Variants in CCDC34 observed in about 807,000 individuals in gnomAD.
CCDC34 encodes coiled-coil domain-containing protein 34.
In CCDC34, 40 loss-of-function variants were observed where a neutral mutation model predicts 44.1. The ratio of observed to expected loss-of-function variants is 0.91; its 90% CI spans 0.70 to 1.18. The LOEUF (loss-of-function observed/expected upper bound fraction) is 1.18. Among genes scored for constraint, CCDC34 ranks in the 50% most tolerant of loss-of-function variants. The probability of loss-of-function intolerance (pLI) is 0.00; values close to 1 mark genes in which losing one functional copy is unlikely to be tolerated. For synonymous variants in CCDC34, 159 were observed against 158.2 expected (o/e 1.01, Z -0.04); for missense variants, 466 against 452.3 (o/e 1.03, Z -0.28).
chr11:27,346,614 T>C (rs1465222650), intron 3 of CCDC34, among the ~76,000 whole-genome samples: 1 of 152,096 alleles, frequency 6.6e-6, no homozygotes, highest in East Asian at 1.9e-4. Context: ...TAATAAGCCA[T>C]ACAACCCCTT....
At position 27,363,171 on chromosome 11, in the gene CCDC34, C is replaced by G. The variant is rs144221459; in HGVS notation, c.24G>C (p.Gly8=). Residue 8 remains glycine, a synonymous_variant, in exon 1 of 6, where the codon GGG becomes GGC. Transcript: ENST00000328697. MWAAGRW[G]PTFPSSYAGF... is the part of the protein sequence containing the mutation. Reference sequence around the variant, plus strand: ...CGGCGTAGGAAGAGGGAAAAGTAGGCCCCCAGCGCCCCGCCGCCCACATCT... The same window carrying G: ...CGGCGTAGGAAGAGGGAAAAGTAGGGCCCCAGCGCCCCGCCGCCCACATCT... 76 of 1,489,970 alleles carry G rather than the reference C, an allele frequency of 5.1e-5. No individual in the cohort carries two copies. In the African/African-American group the frequency reaches 7.6e-4, roughly 15 times the overall value. The allele number at this position is 1,489,970 out of a possible 1,614,324, so 92.3% of individuals were successfully genotyped here.
chr11:27,347,210 C>T (rs1269149794), intron 3 of CCDC34, among the ~76,000 whole-genome samples: 1 of 152,122 alleles, frequency 6.6e-6, no homozygotes, highest in African/African-American at 2.4e-5. Context: ...ATTGGCCATA[C>T]CAAATCTGCC....
At position 27,338,563 on chromosome 11, in the gene CCDC34, G is replaced by A. The variant is rs150871902; in HGVS notation, c.*258C>T. The stretch of plus-strand genomic sequence containing the variant: ...GTATTACAGTGTACTTTTAATACAA[G>A]CTAAATACAAACACAATTCTTACAT... On this transcript the variant is annotated 3_prime_UTR_variant, in exon 6 of 6. Coordinates refer to ENST00000328697, the MANE Select transcript of CCDC34 (RefSeq NM_030771.2). The A allele has an allele frequency of 9.6e-6, 4 of 416,002 alleles. No homozygotes were observed. Among genetic ancestry groups the A allele is most frequent in the African/African-American group, 2.1e-5 (1 of 47,732 alleles). The allele number at this position is 416,002 out of a possible 1,614,324, so 25.8% of individuals were successfully genotyped here.
At position 27,349,984 on chromosome 11, in the gene CCDC34, G is replaced by C. The variant is rs182246629; in HGVS notation, c.606+348C>G. 7.6e-4 allele frequency: 870 copies of C among 1,143,842 alleles called. 2 individuals are homozygous for C. The African/African-American group carries it at 0.012, about 16-fold the overall frequency. The allele number at this position is 1,143,842 out of a possible 1,614,324, so 70.9% of individuals were successfully genotyped here. A position where few individuals can be genotyped will look rare whatever the true frequency, so the allele number is the denominator to read the frequency against. ...GACAGCTGAATGAAACAGAGAAATGGGAGGATGGATTTACGAAGGAGAAAT... is the reference window on the plus strand; with the variant it reads ...GACAGCTGAATGAAACAGAGAAATGCGAGGATGGATTTACGAAGGAGAAAT... On this transcript the variant is annotated intron_variant, in intron 3 of 5. Transcript: ENST00000328697.
At chr11:27,350,261 A>G (rs773728260) in intron 3 of CCDC34, 71 bp downstream of exon 3, 1 of 1,607,244 alleles carries the variant, frequency 6.2e-7, no homozygotes, top group South Asian at 1.1e-5. Flanking sequence ...AAACCTAGGT[A>G]ATGAAGTATA....
chr11:27,344,008 A>G (rs951784737), intron 3 of CCDC34, among the ~76,000 whole-genome samples: 4 of 152,214 alleles, frequency 2.6e-5, no homozygotes, highest in African/African-American at 9.6e-5. Context: ...GAGAAAAAGT[A>G]GTGTCTGAAT....
At position 27,352,201 on chromosome 11, in the gene CCDC34, C is replaced by T. The variant is rs544958463; in HGVS notation, c.499-1762G>A. Among the ~76,000 whole-genome samples the T allele has an allele frequency of 1.3e-4, 20 of 151,968 alleles. 1 individual carries two copies. The South Asian group carries it at 2.5e-3, about 19-fold the overall frequency. ...GGTTCGAGACCAGCCTGGGCAAAAT[C>T]GTAAAACCCTGTCTTTACTAAAAAT... On this transcript the variant is annotated intron_variant, in intron 2 of 5. Coordinates refer to ENST00000328697, the MANE Select transcript of CCDC34 (RefSeq NM_030771.2).
intron 5 of CCDC34, among the ~76,000 whole-genome samples, chr11:27,339,542 G>T (rs1421332425): frequency 3.3e-5 from 5 of 152,166 alleles, no homozygotes; most frequent in Admixed American, 1.3e-4. Flanking sequence ...CTGTAATTGT[G>T]ATTATGAGTT....
Position 27,338,686 on chromosome 11 carries a change from T to C in CCDC34, c.*135A>G, listed in dbSNP as rs1463376812. On this transcript the variant is annotated 3_prime_UTR_variant, in exon 6 of 6. Transcript: ENST00000328697. ...AAATATCTTCCTCAACTCTAAGGAC[T>C]CCATATACAAATGCAAAAATTGCTA... 1.4e-6 allele frequency: 1 copy of C among 718,694 alleles called. No homozygotes were observed. Among genetic ancestry groups the C allele is most frequent in the Non-Finnish European group, 2.3e-6 (1 of 433,794 alleles). 44.5% of individuals were successfully genotyped at this position (718,694 alleles called of 1,614,324 possible).
At chr11:27,349,644 C>A in intron 3 of CCDC34, 1 of 983,818 alleles carries the variant, frequency 1.0e-6, no homozygotes, top group Non-Finnish European at 1.2e-6. Context: ...TTTAAAATTT[C>A]GAATGTGTGT....
At chr11:27,349,197 A>T in intron 3 of CCDC34, 5 of 966,674 alleles carry the variant, frequency 5.2e-6, no homozygotes, top group Non-Finnish European at 2.5e-6. Context: ...TATAGTTACA[A>T]ATTTCAAAAA....
chr11:27,345,596 C>T (rs949188551), intron 3 of CCDC34, among the ~76,000 whole-genome samples: 6 of 152,098 alleles, frequency 3.9e-5, no homozygotes, highest in Non-Finnish European at 8.8e-5. Flanking sequence ...TCATCCATGT[C>T]CCTACAAAGG....
chr11:27,350,297 G>A (rs200130322), intron 3 of CCDC34, 35 bp downstream of exon 3: 2 of 1,613,468 alleles, frequency 1.2e-6, no homozygotes, highest in South Asian at 2.2e-5. Context: ...TTGCAAAAGA[G>A]ATGTCAATGT....
Position 27,349,870 on chromosome 11 carries a change from T to A in CCDC34, c.606+462A>T, listed in dbSNP as rs185475036. ...AGTTGAAAGATATAATGGAAAGAGATCACAAACAGGGGAGTAGTAATTGTA... is the reference window on the plus strand; with the variant it reads ...AGTTGAAAGATATAATGGAAAGAGAACACAAACAGGGGAGTAGTAATTGTA... On this transcript the variant is annotated intron_variant, in intron 3 of 5. Transcript: ENST00000328697. 5.1e-5 allele frequency: 51 copies of A among 990,480 alleles called. 1 individual carries two copies. In the Admixed American group the frequency reaches 1.8e-3, roughly 34 times the overall value. The allele number at this position is 990,480 out of a possible 1,614,324, so 61.4% of individuals were successfully genotyped here. A position where few individuals can be genotyped will look rare whatever the true frequency, so the allele number is the denominator to read the frequency against.
In CCDC34 at chr11:27,353,314, TA is replaced by T. The variant is rs201076257; in HGVS notation, c.499-2876del. Among the ~76,000 whole-genome samples, 1,800 of 141,892 alleles carry T rather than the reference TA, an allele frequency of 0.013. 85 individuals are homozygous for T. In the East Asian group the frequency reaches 0.17, roughly 14 times the overall value. 93.1% of individuals were successfully genotyped at this position (141,892 alleles called of 152,430 possible). On this transcript the variant is annotated intron_variant, in intron 2 of 5. Coordinates refer to ENST00000328697, the MANE Select transcript of CCDC34 (RefSeq NM_030771.2). Reference sequence around the variant, plus strand: ...ATAAAATGGCCAAAGGCAAGATGGTTAAAAAAAAAAAGAAAAAAGAAGGCAC... The same window carrying T: ...ATAAAATGGCCAAAGGCAAGATGGTTAAAAAAAAAAGAAAAAAGAAGGCAC...
In CCDC34 at chr11:27,357,431, C is replaced by G; in HGVS notation, c.470G>C (p.Arg157Pro). Residue 157 changes from arginine (R) to proline (P), a missense_variant, in exon 2 of 6, where the codon CGT becomes CCT. Coordinates refer to ENST00000328697, the MANE Select transcript of CCDC34 (RefSeq NM_030771.2). The stretch of plus-strand genomic sequence containing the variant: ...TAGAGCTTTCAGTTGCAGCCGGTCA[C>G]GTTCTTCTTTTTCTTTGCCAATAAA... Reference protein sequence around the residue: ...VWFIGKEKEERDRLQLKALEE... With the variant: ...VWFIGKEKEEPDRLQLKALEE... 6.2e-7 allele frequency: 1 copy of G among 1,613,970 alleles called. No individual in the cohort carries two copies. The highest frequency in any genetic ancestry group is 1.1e-5 in the South Asian group (1 of 91,050).
At chr11:27,352,331 T>C (rs968094431) in intron 2 of CCDC34, among the ~76,000 whole-genome samples, 12 of 150,954 alleles carry the variant, frequency 7.9e-5, no homozygotes, top group African/African-American at 2.7e-4. Flanking sequence ...TTCAGTGAGC[T>C]GAAATCATAC....
intron 1 of CCDC34, among the ~76,000 whole-genome samples, chr11:27,358,233 G>A (rs535607333): frequency 5.9e-5 from 9 of 152,094 alleles, no homozygotes; most frequent in African/African-American, 2.2e-4. Flanking sequence ...TGAGGGTAAG[G>A]AAAAATAACA....
chr11:27,353,434 G>C (rs1033357405), intron 2 of CCDC34, among the ~76,000 whole-genome samples: 6 of 151,854 alleles, frequency 4.0e-5, no homozygotes, highest in African/African-American at 7.2e-5. Context: ...AATGACCATA[G>C]AGAACCTGGA....
Sources: gnomAD v4.1 joint callset for allele counts (sites outside exome capture counted in the v4.1 genomes callset) on GRCh38, gnomAD v4.1.1 for gene constraint, MANE v1.5 for transcripts, NCBI Gene and HGNC (gene_info 2026-07-23, HGNC 2026-07-21) for gene names.